DAB1: variants seen among roughly 807,000 people sequenced by gnomAD.
DAB1 encodes the protein DAB adaptor protein 1, also known as disabled homolog 1.
Under a neutral mutation model 64.6 loss-of-function variants are expected in DAB1, and 15 were observed. The observed-to-expected ratio is 0.23, with a 90% CI of 0.16 to 0.36. DAB1 has a LOEUF of 0.36. DAB1 is among the 10% of genes least tolerant of loss of function. DAB1 has a pLI of 1.00. For synonymous variants in DAB1, 235 were observed against 251.9 expected (o/e 0.93, Z 0.64); for missense variants, 596 against 706.7 (o/e 0.84, Z 1.78).
chr1:58,121,974 G>C lies in DAB1; in HGVS notation n.387+28537C>G, dbSNP rs193135401. On this transcript the variant is annotated intron_variant and non_coding_transcript_variant, in intron 5 of 20. Coordinates refer to the DAB1 transcript ENST00000485760. ...TGGCTCTGTGCCTTGTGTATATTGT[G>C]AGAAAAACTAAAAGGTTGAGAAGTT... Among the ~76,000 whole-genome samples the C allele has an allele frequency of 4.9e-3, 751 of 152,236 alleles. 4 individuals carry two copies. Among genetic ancestry groups the C allele is most frequent in the South Asian group, 0.016 (79 of 4,830 alleles).
intron 1 of DAB1, among the ~76,000 whole-genome samples, chr1:57,391,800 CACACACACACACAG>C (rs1682390532): frequency 1.3e-5 from 2 of 151,062 alleles, no homozygotes; most frequent in East Asian, 1.9e-4. Flanking sequence ...CACACACACA[CACACACACACACAG>C]AGAGAGGAGA....
At chr1:57,139,882 G>A (rs983668393) in intron 3 of DAB1, among the ~76,000 whole-genome samples, 1 of 152,070 alleles carries the variant, frequency 6.6e-6, no homozygotes, top group Non-Finnish European at 1.5e-5. Context: ...GGCTGCTGAT[G>A]GTGACTTTAC....
chr1:57,578,791 G>T (rs2101547297), intron 7 of DAB1, among the ~76,000 whole-genome samples: 1 of 152,292 alleles, frequency 6.6e-6, no homozygotes. Context: ...TGGTAGGAGG[G>T]TTCATGTGGA....
chr1:57,458,158 A>G (rs2101171242), intron 7 of DAB1, among the ~76,000 whole-genome samples: 1 of 152,280 alleles, frequency 6.6e-6, no homozygotes, highest in East Asian at 1.9e-4. Flanking sequence ...TTTGTAGCAC[A>G]TATGTATACA....
chr1:58,274,060 T>C (rs200958699), intron 4 of DAB1, among the ~76,000 whole-genome samples: 97,029 of 107,682 alleles, frequency 0.9, 43,891 homozygotes, highest in Middle Eastern at 0.93. Flanking sequence ...TGAGGAACTG[T>C]GTTCCTTTGG....
chr1:57,888,160 G>T (rs1240784989), upstream of DAB1, among the ~76,000 whole-genome samples: 1 of 152,112 alleles, frequency 6.6e-6, no homozygotes, highest in Admixed American at 6.6e-5. Flanking sequence ...CTTTGAGGGG[G>T]GATGGGCACA....
intron 5 of DAB1, among the ~76,000 whole-genome samples, chr1:57,942,370 G>A (rs1475565527): frequency 1.3e-5 from 2 of 152,184 alleles, no homozygotes; most frequent in African/African-American, 4.8e-5. Flanking sequence ...AGGAGATAAA[G>A]CAGATATATT....
At chr1:57,143,705 A>C (rs1167931095) in intron 3 of DAB1, among the ~76,000 whole-genome samples, 1 of 152,174 alleles carries the variant, frequency 6.6e-6, no homozygotes, top group African/African-American at 2.4e-5. Context: ...AATTTTGTAT[A>C]GCATAAACAA....
intron 2 of DAB1, among the ~76,000 whole-genome samples, chr1:57,277,300 T>C (rs1671542122): frequency 6.6e-6 from 1 of 152,228 alleles, no homozygotes; most frequent in South Asian, 2.1e-4. Context: ...TATGACTCTA[T>C]TCATATAAAA....
chr1:57,606,133 C>T lies in DAB1; in HGVS notation n.625+43459G>A, dbSNP rs1645633342. The stretch of plus-strand genomic sequence containing the variant: ...CTCCTGGGATTTTACACTGCAGCTC[C>T]TTAAAGTGATGCAAATTTGGTGAAT... On this transcript the variant is annotated intron_variant and non_coding_transcript_variant, in intron 7 of 20. Coordinates refer to the DAB1 transcript ENST00000485760. 3 of 347,382 alleles carry T rather than the reference C, an allele frequency of 8.6e-6. No individual in the cohort carries two copies. The Admixed American group carries it at 1.2e-4, about 14-fold the overall frequency. 21.5% of individuals were successfully genotyped at this position (347,382 alleles called of 1,614,324 possible). A position where few individuals can be genotyped will look rare whatever the true frequency, so the allele number is the denominator to read the frequency against.
chr1:57,013,282 G>A (rs1030340879), intron 12 of DAB1, among the ~76,000 whole-genome samples: 3 of 152,198 alleles, frequency 2.0e-5, no homozygotes, highest in Non-Finnish European at 2.9e-5. Flanking sequence ...CTAGCATTAT[G>A]AGAAGTGTAG....
intron 14 of DAB1, among the ~76,000 whole-genome samples, chr1:57,002,491 G>C (rs1054668451): frequency 3.3e-5 from 5 of 152,192 alleles, no homozygotes; most frequent in Non-Finnish European, 7.4e-5. Flanking sequence ...TCATAATGTG[G>C]GGGTAATTCT....
At chr1:57,887,338 C>G (rs1644238627), upstream of DAB1, among the ~76,000 whole-genome samples, 1 of 147,268 alleles carries the variant, frequency 6.8e-6, no homozygotes, top group South Asian at 2.2e-4. Flanking sequence ...ACTTAGCACA[C>G]TACTGAAATA....
At chr1:58,248,836 C>G (rs1207431448) in intron 4 of DAB1, among the ~76,000 whole-genome samples, 1 of 152,158 alleles carries the variant, frequency 6.6e-6, no homozygotes, top group East Asian at 1.9e-4. Context: ...CTTCCCAGCC[C>G]TGGAAACAGA....
intron 7 of DAB1, among the ~76,000 whole-genome samples, chr1:57,613,372 G>A (rs891855125): frequency 2.6e-5 from 4 of 152,180 alleles, no homozygotes; most frequent in East Asian, 1.9e-4. Flanking sequence ...CAGCAGGTGG[G>A]AGGGTCAGAA....
intron 3 of DAB1, among the ~76,000 whole-genome samples, chr1:58,455,285 G>C (rs1353544809): frequency 6.6e-6 from 1 of 152,268 alleles, no homozygotes; most frequent in Non-Finnish European, 1.5e-5. Flanking sequence ...GCACACTGTA[G>C]AGTTGCCCTT....
At chr1:58,236,050 G>C (rs1369874654) in intron 4 of DAB1, among the ~76,000 whole-genome samples, 2 of 152,106 alleles carry the variant, frequency 1.3e-5, no homozygotes, top group Non-Finnish European at 2.9e-5. Flanking sequence ...AGAAAGACGA[G>C]AGCAAGGCTT....
intron 5 of DAB1, among the ~76,000 whole-genome samples, chr1:58,069,475 G>C (rs1649095643): frequency 6.6e-6 from 1 of 152,248 alleles, no homozygotes; most frequent in South Asian, 2.1e-4. Flanking sequence ...GGCGTACCAA[G>C]AATACATACA....
At chr1:58,208,313 G>A (rs552236455) in intron 4 of DAB1, among the ~76,000 whole-genome samples, 3 of 152,182 alleles carry the variant, frequency 2.0e-5, no homozygotes, top group South Asian at 2.1e-4. Flanking sequence ...TAATTTAATA[G>A]GTTTTGGGGA....
Sources: gnomAD v4.1 joint callset for allele counts (sites outside exome capture counted in the v4.1 genomes callset) on GRCh38, gnomAD v4.1.1 for gene constraint, MANE v1.5 for transcripts, NCBI Gene and HGNC (gene_info 2026-07-23, HGNC 2026-07-21) for gene names.